Variants in PEPD observed in about 807,000 individuals in gnomAD.
The protein encoded by PEPD is peptidase D.
A neutral mutation model predicts 60.7 loss-of-function variants in PEPD; 53 were observed. The ratio of observed to expected loss-of-function variants is 0.87; its 90% CI spans 0.70 to 1.10. The LOEUF (loss-of-function observed/expected upper bound fraction) is 1.10, where lower values mean the gene tolerates loss of function less well. PEPD is among the 50% of genes least tolerant of loss of function. The probability of loss-of-function intolerance (pLI) is 0.00; values close to 1 mark genes in which losing one functional copy is unlikely to be tolerated. For missense variants in PEPD, 711 were observed against 711.9 expected, an observed-to-expected ratio of 1.00 and a Z score of 0.01; for synonymous variants, 267 against 284.1, an observed-to-expected ratio of 0.94 and a Z score of 0.60.
intron 9 of PEPD, among the ~76,000 whole-genome samples, chr19:33,444,467 T>C (rs2145239751): frequency 6.6e-6 from 1 of 151,372 alleles, no homozygotes; most frequent in East Asian, 2.0e-4. Context: ...GCATGCCATG[T>C]GGGGCCTGAC....
At chr19:33,426,468 G>T (rs1047620985) in intron 9 of PEPD, among the ~76,000 whole-genome samples, 2 of 152,230 alleles carry the variant, frequency 1.3e-5, no homozygotes, top group African/African-American at 4.8e-5. Flanking sequence ...TCGCACCTGG[G>T]CCCAGCTCTG....
intron 7 of PEPD, among the ~76,000 whole-genome samples, chr19:33,465,541 C>T (rs1970006057): frequency 6.6e-6 from 1 of 152,062 alleles, no homozygotes; most frequent in African/African-American, 2.4e-5. Flanking sequence ...CACTCCAGCA[C>T]CAAAACTCCC....
chr19:33,388,124 G>A, intron 13 of PEPD, 43 bp from the exon 14 acceptor site: 1 of 1,489,250 alleles, frequency 6.7e-7, no homozygotes, highest in South Asian at 1.2e-5. Context: ...CAGCTCCAGG[G>A]CTCACCGTGG....
intron 9 of PEPD, among the ~76,000 whole-genome samples, chr19:33,443,427 T>C (rs1260282176): frequency 1.3e-5 from 2 of 152,194 alleles, no homozygotes; most frequent in Non-Finnish European, 2.9e-5. Context: ...GATATTTAAA[T>C]AGAAAACCAA....
At chr19:33,506,132 CCA>C (rs1970802006) in intron 3 of PEPD, among the ~76,000 whole-genome samples, 1 of 140,316 alleles carries the variant, frequency 7.1e-6, no homozygotes, top group African/African-American at 2.6e-5. Flanking sequence ...ACACACACAT[CCA>C]CACACAACAC....
intron 9 of PEPD, among the ~76,000 whole-genome samples, chr19:33,417,542 C>T (rs1022235258): frequency 4.6e-5 from 7 of 152,188 alleles, no homozygotes; most frequent in Admixed American, 2.6e-4. Context: ...CCTCTCCGTG[C>T]CTCAGTTTCC....
chr19:33,390,304 A>G (rs1325027109), intron 13 of PEPD, among the ~76,000 whole-genome samples: 2 of 152,268 alleles, frequency 1.3e-5, no homozygotes, highest in African/African-American at 2.4e-5. Context: ...TGGAAGGCCC[A>G]GCTCTTGGCT....
At chr19:33,500,216 G>A (rs973103243) in intron 4 of PEPD, among the ~76,000 whole-genome samples, 4 of 152,208 alleles carry the variant, frequency 2.6e-5, no homozygotes, top group Non-Finnish European at 5.9e-5. Flanking sequence ...TTGTGACAGC[G>A]CCCAGGGCCA....
chr19:33,487,955 GCCCCACCTGCCT>G (rs1970428968), intron 6 of PEPD, among the ~76,000 whole-genome samples: 1 of 152,016 alleles, frequency 6.6e-6, no homozygotes, highest in South Asian at 2.1e-4. Context: ...GAAGCCCAGG[GCCCCACCTGCCT>G]TCCTCGGGGA....
rs1349091176 is a variant in PEPD at position 33,517,971 on chromosome 19, T to A, written c.17+3773A>T. On this transcript the variant is annotated intron_variant, in intron 1 of 14. Coordinates refer to ENST00000244137, the MANE Select transcript of PEPD (RefSeq NM_000285.4). ...CTCCCTCTCAAAAAAAAAAAAAAAA[T>A]GAAATGTGGAGCCACTTCTAGACAG... Among the ~76,000 whole-genome samples, 23 of 136,768 alleles carry A rather than the reference T, an allele frequency of 1.7e-4. No individual in the cohort carries two copies. The East Asian group carries it at 2.8e-3, about 17-fold the overall frequency. 89.7% of individuals were successfully genotyped at this position (136,768 alleles called of 152,430 possible).
intron 4 of PEPD, 119 bp from the exon 5 acceptor site, chr19:33,493,456 G>A (rs181613392): frequency 1.7e-5 from 13 of 781,990 alleles, no homozygotes; most frequent in African/African-American, 1.0e-4. Context: ...TAGAACAGGC[G>A]ACGTGGGCGC....
intron 9 of PEPD, among the ~76,000 whole-genome samples, chr19:33,423,728 TCTGA>T (rs1342589100): frequency 1.3e-5 from 2 of 152,268 alleles, no homozygotes; most frequent in African/African-American, 2.4e-5. Context: ...AGGCAGTGGA[TCTGA>T]CTATCATTTA....
At chr19:33,439,112 C>T (rs768992102) in intron 9 of PEPD, among the ~76,000 whole-genome samples, 3 of 152,228 alleles carry the variant, frequency 2.0e-5, no homozygotes, top group Non-Finnish European at 2.9e-5. Context: ...GACATGGAGT[C>T]GAGGTTGGAG....
chr19:33,388,919 G>C (rs965046728), intron 13 of PEPD: 1 of 152,462 alleles, frequency 6.6e-6, no homozygotes, highest in Admixed American at 6.5e-5. Flanking sequence ...GCTCCTGCTC[G>C]CCTCAGGTCC....
At chr19:33,471,943 C>A (rs535395676) in intron 7 of PEPD, among the ~76,000 whole-genome samples, 2 of 152,300 alleles carry the variant, frequency 1.3e-5, no homozygotes, top group South Asian at 2.1e-4. Flanking sequence ...AGGTGGATCA[C>A]CTGAGGTCGG....
intron 12 of PEPD, among the ~76,000 whole-genome samples, chr19:33,400,577 G>C (rs1968464566): frequency 1.3e-5 from 2 of 152,250 alleles, no homozygotes; most frequent in Admixed American, 6.5e-5. Context: ...ATCTCAGTCA[G>C]AGTCGTGGGA....
chr19:33,408,566 C>T (rs1306794116), intron 11 of PEPD, among the ~76,000 whole-genome samples: 2 of 152,204 alleles, frequency 1.3e-5, no homozygotes, highest in East Asian at 1.9e-4. Context: ...CACCCTTCTG[C>T]AGTACAGCTG....
intron 6 of PEPD, among the ~76,000 whole-genome samples, chr19:33,486,432 C>G (rs1970398328): frequency 2.6e-5 from 4 of 152,078 alleles, no homozygotes; most frequent in Admixed American, 2.0e-4. Flanking sequence ...AACTCACAAG[C>G]CCCTACAGAC....
intron 9 of PEPD, among the ~76,000 whole-genome samples, chr19:33,431,202 G>C (rs556300205): frequency 1.4e-5 from 2 of 147,470 alleles, no homozygotes; most frequent in Admixed American, 1.4e-4. Context: ...GAGGGAGGGA[G>C]AGAGGGAGGG....
Sources: allele counts gnomAD v4.1 joint callset (sites outside exome capture counted in the v4.1 genomes callset), GRCh38; gene constraint gnomAD v4.1.1; transcripts MANE v1.5; gene names NCBI Gene and HGNC (gene_info 2026-07-23, HGNC 2026-07-21).